NTM: variants seen among roughly 807,000 people sequenced by gnomAD.
NTM encodes the protein neurotrimin, also known as IgLON family member 2.
Under a neutral mutation model 42.1 loss-of-function variants are expected in NTM, and 13 were observed. The ratio of observed to expected loss-of-function variants is 0.31; its 90% CI spans 0.20 to 0.49. The LOEUF is 0.49. NTM is among the 20% of genes least tolerant of loss of function. The pLI, the probability that NTM is intolerant of heterozygous loss-of-function variation, is 0.99. For missense variants in NTM, 373 were observed against 452.8 expected (o/e 0.82, Z 1.60); for synonymous variants, 187 against 179.2 (o/e 1.04, Z -0.35).
chr11:131,802,397 C>G (rs1025418028), intron 1 of NTM, among the ~76,000 whole-genome samples: 1 of 152,214 alleles, frequency 6.6e-6, no homozygotes, highest in East Asian at 1.9e-4. Context: ...TTTACTCTCC[C>G]TCAGAATTCA....
intron 2 of NTM, among the ~76,000 whole-genome samples, chr11:132,006,010 A>G (rs1159225488): frequency 1.3e-5 from 2 of 152,194 alleles, no homozygotes; most frequent in Non-Finnish European, 1.5e-5. Flanking sequence ...TGGATAAGAG[A>G]CATCTCTGCA....
chr11:131,880,258 G>T (rs2049258317), intron 1 of NTM, among the ~76,000 whole-genome samples: 1 of 152,192 alleles, frequency 6.6e-6, no homozygotes, highest in African/African-American at 2.4e-5. Context: ...TAAGGAGGCT[G>T]CAGCCCTTGC....
At chr11:131,370,966 G>C in intron 1 of NTM, 78 bp downstream of exon 1, 2 of 1,596,120 alleles carry the variant, frequency 1.3e-6, no homozygotes, top group Non-Finnish European at 1.7e-6. Flanking sequence ...CAGACTCCCC[G>C]AGTCGGCTGT....
At chr11:131,683,325 C>T (rs954162782) in intron 1 of NTM, among the ~76,000 whole-genome samples, 9 of 152,342 alleles carry the variant, frequency 5.9e-5, no homozygotes, top group East Asian at 3.9e-4. Flanking sequence ...GGAGCCCCTT[C>T]GGCAGGGCTG....
At chr11:131,780,035 G>A (rs1453679633) in intron 1 of NTM, among the ~76,000 whole-genome samples, 1 of 152,210 alleles carries the variant, frequency 6.6e-6, no homozygotes, top group Non-Finnish European at 1.5e-5. Context: ...GGCGTTCACA[G>A]GAACTTTCAT....
At chr11:131,961,959 G>A (rs927098742) in intron 2 of NTM, among the ~76,000 whole-genome samples, 10 of 152,038 alleles carry the variant, frequency 6.6e-5, no homozygotes, top group Non-Finnish European at 1.2e-4. Context: ...ATGCACCAAT[G>A]GTGTCCATGT....
intron 1 of NTM, among the ~76,000 whole-genome samples, chr11:131,730,655 G>A (rs1022480983): frequency 6.6e-6 from 1 of 151,094 alleles, no homozygotes; most frequent in Non-Finnish European, 1.5e-5. Context: ...GGAGCTTAAG[G>A]CTGTAATGAG....
intron 3 of NTM, among the ~76,000 whole-genome samples, chr11:132,149,109 T>C (rs1157378826): frequency 2.0e-5 from 3 of 151,632 alleles, no homozygotes; most frequent in African/African-American, 4.8e-5. Flanking sequence ...CTTTAATGAA[T>C]AGAGGACCAT....
Position 131,500,571 on chromosome 11 carries a change from ATATATATTTTTTTTTTT to A in NTM, c.82+129685_82+129701del, listed in dbSNP as rs1176110029. On this transcript the variant is annotated intron_variant, in intron 1 of 8. Transcript: ENST00000683400. ...TATATATATATATATATATATATAT[ATATATATTTTTTTTTTT>A]TTTTTTTGTATTATACTTTAAGTTC... Among the ~76,000 whole-genome samples the A allele has an allele frequency of 5.6e-3, 474 of 85,330 alleles. 12 individuals are homozygous for A. Among genetic ancestry groups the A allele is most frequent in the African/African-American group, 0.018 (454 of 24,612 alleles). 56.0% of individuals were successfully genotyped at this position (85,330 alleles called of 152,430 possible). A position where few individuals can be genotyped will look rare whatever the true frequency, so the allele number is the denominator to read the frequency against.
chr11:131,929,586 T>G lies in NTM; in HGVS notation c.167+17938T>G, dbSNP rs2058370001. Among the ~76,000 whole-genome samples, 4 of 152,040 alleles carry G rather than the reference T, an allele frequency of 2.6e-5. No homozygotes were observed. The South Asian group carries it at 8.3e-4, about 32-fold the overall frequency. ...CAGGACACAGCCCTCGTGTAGAACC[T>G]CCTCTGCACTCCCACAATTCCCTGT... is the stretch of plus-strand genomic sequence containing the variant. On this transcript the variant is annotated intron_variant, in intron 2 of 8. Coordinates refer to ENST00000683400, the MANE Select transcript of NTM (RefSeq NM_001352005.2).
chr11:132,082,736 T>C (rs2059243498), intron 2 of NTM, among the ~76,000 whole-genome samples: 1 of 152,156 alleles, frequency 6.6e-6, no homozygotes, highest in Non-Finnish European at 1.5e-5. Flanking sequence ...GGGGCACTGT[T>C]TGGGGAAAAT....
At chr11:132,068,771 A>C (rs1330542036) in intron 2 of NTM, among the ~76,000 whole-genome samples, 3 of 152,162 alleles carry the variant, frequency 2.0e-5, no homozygotes, top group African/African-American at 7.2e-5. Flanking sequence ...GAAATCTGTA[A>C]AGCAGGCCAT....
At chr11:132,098,536 C>T (rs944309055) in intron 2 of NTM, among the ~76,000 whole-genome samples, 12 of 152,220 alleles carry the variant, frequency 7.9e-5, no homozygotes, top group African/African-American at 2.7e-4. Context: ...CTCTAGACCA[C>T]GCACCTCAGT....
Position 131,641,469 on chromosome 11 carries a change from C to T in NTM, c.83-270095C>T, listed in dbSNP as rs551892525. On this transcript the variant is annotated intron_variant, in intron 1 of 8. Coordinates refer to ENST00000683400, the MANE Select transcript of NTM (RefSeq NM_001352005.2). ...GTGGTAGAGCTGCGACCTACCTCTA[C>T]GAAGCCTCTCTGAGACCTCCATGGA... is the stretch of plus-strand genomic sequence containing the variant. Among the ~76,000 whole-genome samples, 4 of 152,278 alleles carry T rather than the reference C, an allele frequency of 2.6e-5. No individual in the cohort carries two copies. In the East Asian group the frequency reaches 5.8e-4, roughly 22 times the overall value.
chr11:131,450,280 A>G (rs2136038820), intron 1 of NTM, among the ~76,000 whole-genome samples: 1 of 152,276 alleles, frequency 6.6e-6, no homozygotes, highest in East Asian at 1.9e-4. Flanking sequence ...AAGAAAGACA[A>G]TGTTTATGCA....
chr11:132,284,436 C>G (rs1439036997), intron 4 of NTM: 2 of 152,438 alleles, frequency 1.3e-5, no homozygotes, highest in East Asian at 3.9e-4. Context: ...GGACACCAGT[C>G]CCATTAGATT....
chr11:131,746,699 G>A (rs1401245041), intron 1 of NTM, among the ~76,000 whole-genome samples: 2 of 152,138 alleles, frequency 1.3e-5, no homozygotes, highest in Admixed American at 6.5e-5. Context: ...AAGGAGCTCA[G>A]TTTTATAAAT....
rs554348743 is a variant in NTM at position 132,314,184 on chromosome 11, T to C, written c.783-368T>C. Among the ~76,000 whole-genome samples the C allele has an allele frequency of 8.6e-4, 123 of 142,336 alleles. No homozygotes were observed. In the South Asian group the frequency reaches 0.019, roughly 22 times the overall value. The allele number at this position is 142,336 out of a possible 152,430, so 93.4% of individuals were successfully genotyped here. On this transcript the variant is annotated intron_variant, in intron 6 of 8. Transcript: ENST00000683400. ...GTTGTCATCATCACCATCACCATCA[T>C]CATCATCAGGCCCACACATTTGAAC...
chr11:131,401,816 A>ATATATATGTG (rs1555101729), intron 1 of NTM, among the ~76,000 whole-genome samples: 1 of 33,266 alleles, frequency 3.0e-5, no homozygotes, highest in Non-Finnish European at 5.5e-5. Context: ...ATATATATAT[A>ATATATATGTG]TATATATATA....
Sources: allele counts gnomAD v4.1 joint callset (sites outside exome capture counted in the v4.1 genomes callset), GRCh38; gene constraint gnomAD v4.1.1; transcripts MANE v1.5; gene names NCBI Gene and HGNC (gene_info 2026-07-23, HGNC 2026-07-21).